PRRC2C: variants seen among roughly 807,000 people sequenced by gnomAD.
The protein encoded by PRRC2C is proline rich coiled-coil 2C.
In PRRC2C, 72 loss-of-function variants were observed where a neutral mutation model predicts 317.2. The ratio of observed to expected loss-of-function variants is 0.23; its 90% confidence interval spans 0.19 to 0.28. The LOEUF is 0.28. Ranked by LOEUF, PRRC2C falls within the 10% of genes least tolerant of loss-of-function variation. PRRC2C has a pLI of 1.00. For synonymous variants in PRRC2C, 1,296 were observed against 1,205.9 expected (o/e 1.07, Z -1.55); for missense variants, 3,074 against 3,459.7 (o/e 0.89, Z 2.80).
At position 171,584,209 on chromosome 1, in the gene PRRC2C, A is replaced by G. The variant is rs762921467; in HGVS notation, c.7641+22A>G. 10 of 1,556,188 alleles carry G rather than the reference A, an allele frequency of 6.4e-6. 1 individual carries two copies. The highest frequency in any genetic ancestry group is 2.2e-5 in the East Asian group (1 of 44,592). On this transcript the variant is annotated intron_variant, in intron 29 of 34. Coordinates refer to ENST00000647382, the MANE Select transcript of PRRC2C (RefSeq NM_001387844.1). ...CCAGGTAAGTCAGGGGACTAGAGCA[A>G]TGCACCCTCATTGTATTCCTATGCC... is the stretch of plus-strand genomic sequence containing the variant.
At chr1:171,574,720 A>G (rs1172381314) in intron 24 of PRRC2C, among the ~76,000 whole-genome samples, 4 of 152,146 alleles carry the variant, frequency 2.6e-5, no homozygotes, top group Non-Finnish European at 4.4e-5. Flanking sequence ...CACACTCCCA[A>G]TTTGAGTAAT....
rs1234390853 is a variant in PRRC2C at position 171,541,204 on chromosome 1, A to G, written c.3738A>G (p.Thr1246=). The G allele has an allele frequency of 6.2e-7, 1 of 1,613,452 alleles. No homozygotes were observed. The highest frequency in any genetic ancestry group is 8.5e-7 in the Non-Finnish European group (1 of 1,179,730). ...TCAGACAGCGAGAAGAAAGTGAAACACGGAGTGAGAGCTCTGATTTTGAAG... is the reference window on the plus strand; with the variant it reads ...TCAGACAGCGAGAAGAAAGTGAAACGCGGAGTGAGAGCTCTGATTTTGAAG... ...GPLRQREESE[T]RSESSDFEVV... Residue 1246 remains threonine (T), a synonymous_variant, in exon 16 of 35, where the codon ACA becomes ACG. Coordinates refer to ENST00000647382, the MANE Select transcript of PRRC2C (RefSeq NM_001387844.1). This position sits in a 1 kb window ranked among gnomAD's most constrained non-coding sequence, Gnocchi z 4.1.
At chr1:171,576,144 G>C (rs772876202) in intron 25 of PRRC2C, among the ~76,000 whole-genome samples, 10 of 152,076 alleles carry the variant, frequency 6.6e-5, no homozygotes, top group Non-Finnish European at 1.3e-4. Context: ...CCACTCATTT[G>C]CCAAGGCATC....
chr1:171,519,508 A>G (rs779847896), intron 6 of PRRC2C, among the ~76,000 whole-genome samples: 5 of 152,046 alleles, frequency 3.3e-5, no homozygotes, highest in Admixed American at 6.6e-5. Context: ...CAGATTTTGG[A>G]TTTTGTTGAT....
intron 19 of PRRC2C, among the ~76,000 whole-genome samples, chr1:171,559,528 T>G (rs932243843): frequency 7.1e-6 from 1 of 141,136 alleles, no homozygotes. Context: ...TTTTTTTTTT[T>G]TTTTTTTTTT....
At chr1:171,582,942 T>A (rs1052223420) in intron 28 of PRRC2C, among the ~76,000 whole-genome samples, 5 of 152,210 alleles carry the variant, frequency 3.3e-5, no homozygotes, top group South Asian at 4.1e-4. Context: ...ACATTTAGCT[T>A]ACAACACAAA....
At chr1:171,486,804 T>C (rs1666215213) in intron 1 of PRRC2C, among the ~76,000 whole-genome samples, 1 of 152,142 alleles carries the variant, frequency 6.6e-6, no homozygotes, top group South Asian at 2.1e-4. Context: ...ATAAAAATAA[T>C]AGGGTGATAC....
intron 20 of PRRC2C, among the ~76,000 whole-genome samples, chr1:171,562,382 G>T (rs10753138): frequency 6.6e-6 from 1 of 151,942 alleles, no homozygotes; most frequent in Admixed American, 6.6e-5. Context: ...GACACTGAAG[G>T]GTTTTGAGCA....
intron 1 of PRRC2C, among the ~76,000 whole-genome samples, chr1:171,501,952 CT>C (rs1174205295): frequency 6.6e-6 from 1 of 152,094 alleles, no homozygotes; most frequent in Non-Finnish European, 1.5e-5. Context: ...CCATTAAAAC[CT>C]TTTTTGTTTT....
Position 171,540,371 on chromosome 1 carries a change from C to T in PRRC2C, c.2905C>T (p.Pro969Ser), listed in dbSNP as rs751244853. 3 of 1,608,480 alleles carry T rather than the reference C, an allele frequency of 1.9e-6. No individual in the cohort carries two copies. The highest frequency in any genetic ancestry group is 2.5e-6 in the Non-Finnish European group (3 of 1,178,448). ...ACCAATAGAAAGGCCAGAGGAGAAACCAAAAAAGGAAGGCTTTATACGATC... is the reference window on the plus strand; with the variant it reads ...ACCAATAGAAAGGCCAGAGGAGAAATCAAAAAAGGAAGGCTTTATACGATC... ...KEPIERPEEK[P>S]KKEGFIRSSE... Residue 969 changes from proline (P) to serine (S), a missense_variant, in exon 16 of 35, where the codon CCA becomes TCA. Around this residue, in one of 11 missense-constraint regions of PRRC2C, gnomAD observed 1,320 missense variants for 1,395.7 expected, o/e 0.95. Transcript: ENST00000647382.
intron 11 of PRRC2C, among the ~76,000 whole-genome samples, chr1:171,529,114 A>G (rs1305798913): frequency 1.3e-5 from 2 of 152,086 alleles, no homozygotes; most frequent in East Asian, 3.9e-4. Context: ...TTTTTTATCT[A>G]CTTGCATCTG....
At position 171,568,325 on chromosome 1, in the gene PRRC2C, A is replaced by T. The variant is rs1233684527; in HGVS notation, c.6637A>T (p.Thr2213Ser). 6.2e-7 allele frequency: 1 copy of T among 1,602,138 alleles called. No homozygotes were observed. Among genetic ancestry groups the T allele is most frequent in the East Asian group, 2.2e-5 (1 of 44,688 alleles). The change falls in exon 23 of 35, where the codon ACT (threonine) becomes TCT (serine). Residue 2213 changes from threonine (T) to serine (S), a missense_variant. Around this residue, in one of 11 missense-constraint regions of PRRC2C, gnomAD observed 640 missense variants for 676.1 expected, o/e 0.95. Transcript: ENST00000647382. ...VATNNTKMED[T>S]LVNNVPLPNT... ...TACTAATAATACAAAGATGGAGGAT[A>T]CTTTGGTTAATAATGTAAGTAATCA...
intron 1 of PRRC2C, among the ~76,000 whole-genome samples, chr1:171,492,905 G>C (rs1027022468): frequency 8.6e-5 from 13 of 151,818 alleles, no homozygotes; most frequent in Non-Finnish European, 1.8e-4. Context: ...GTGTGTACCA[G>C]CACACCTGGC....
intron 18 of PRRC2C, among the ~76,000 whole-genome samples, chr1:171,553,599 G>C (rs533090290): frequency 6.6e-6 from 1 of 151,986 alleles, no homozygotes; most frequent in African/African-American, 2.4e-5. Context: ...TCTCTTTTGG[G>C]CACTTAGTGC....
At chr1:171,585,042 G>T (rs1211175283) in intron 30 of PRRC2C, among the ~76,000 whole-genome samples, 1 of 152,116 alleles carries the variant, frequency 6.6e-6, no homozygotes, top group Admixed American at 6.5e-5. Context: ...CTTCCAAAGT[G>T]TTGGGATTAC....
chr1:171,518,424 T>A (rs1672793447), intron 6 of PRRC2C, among the ~76,000 whole-genome samples: 1 of 151,922 alleles, frequency 6.6e-6, no homozygotes, highest in Admixed American at 6.6e-5. Context: ...AAAGAACACT[T>A]GCCGTAGTTT....
intron 1 of PRRC2C, among the ~76,000 whole-genome samples, chr1:171,493,367 G>A (rs1194999020): frequency 6.6e-6 from 1 of 152,168 alleles, no homozygotes; most frequent in Admixed American, 6.5e-5. Context: ...GGATGGGGTG[G>A]CATGTACTTG....
At chr1:171,506,133 G>C (rs1670152353) in intron 1 of PRRC2C, among the ~76,000 whole-genome samples, 1 of 152,202 alleles carries the variant, frequency 6.6e-6, no homozygotes, top group East Asian at 1.9e-4. Flanking sequence ...CTGACTTTAA[G>C]TGATCTGTCC....
At chr1:171,586,086 A>T (rs1349373210) in intron 30 of PRRC2C, among the ~76,000 whole-genome samples, 36 of 5,488 alleles carry the variant, frequency 6.6e-3, no homozygotes, top group African/African-American at 0.012. Flanking sequence ...TTTTTTTTTG[A>T]GACGGAGTCT....
Sources: gnomAD v4.1 joint callset for allele counts (sites outside exome capture counted in the v4.1 genomes callset) on GRCh38, gnomAD v4.1.1 for gene constraint, gnomAD v4.1.1 regional missense constraint, Gnocchi (gnomAD v3.1) non-coding constraint, MANE v1.5 for transcripts, NCBI Gene and HGNC (gene_info 2026-07-23, HGNC 2026-07-21) for gene names.